PAH: variants seen among roughly 807,000 people sequenced by gnomAD.
The protein encoded by PAH is phenylalanine-4-hydroxylase.
A neutral mutation model predicts 62.0 loss-of-function variants in PAH; 64 were observed. The ratio of observed to expected loss-of-function variants is 1.03; its 90% CI spans 0.84 to 1.27. The LOEUF (loss-of-function observed/expected upper bound fraction) is 1.27, where lower values mean the gene tolerates loss of function less well. Ranked by LOEUF, PAH falls within the 50% of genes most tolerant of loss-of-function variation. The pLI is 0.00. For synonymous variants in PAH, 195 were observed against 196.2 expected (o/e 0.99, Z 0.05); for missense variants, 579 against 542.8 (o/e 1.07, Z -0.66).
intron 5 of PAH, among the ~76,000 whole-genome samples, chr12:102,865,127 G>A (rs562805906): frequency 6.6e-6 from 1 of 152,246 alleles, no homozygotes; most frequent in South Asian, 2.1e-4. Flanking sequence ...ATTGTGAGGT[G>A]ATTCACCAAT....
chr12:102,846,198 T>C lies in PAH; in HGVS notation c.969+697A>G, dbSNP rs113587947. Reference sequence around the variant, plus strand: ...AGCAGCTGTCAGTGAGAAGATAACCTTCTGGGAGTTTTTAGCCTTTTGATG... The same window carrying C: ...AGCAGCTGTCAGTGAGAAGATAACCCTCTGGGAGTTTTTAGCCTTTTGATG... On this transcript the variant is annotated intron_variant, in intron 9 of 12. Coordinates refer to ENST00000553106, the MANE Select transcript of PAH (RefSeq NM_000277.3). Among the ~76,000 whole-genome samples the C allele has an allele frequency of 4.5e-4, 68 of 152,310 alleles. 1 individual carries two copies. Among genetic ancestry groups the C allele is most frequent in the African/African-American group, 1.5e-3 (63 of 41,578 alleles).
intron 5 of PAH, among the ~76,000 whole-genome samples, chr12:102,859,813 G>A (rs1488970384): frequency 6.6e-6 from 1 of 152,238 alleles, no homozygotes; most frequent in Non-Finnish European, 1.5e-5. Flanking sequence ...AGGTATTGAT[G>A]GGATGTATCT....
chr12:102,886,978 G>C (rs1522305), intron 3 of PAH, among the ~76,000 whole-genome samples: 25,701 of 152,136 alleles, frequency 0.17, 2,525 homozygotes, highest in Admixed American at 0.33. Flanking sequence ...AGAAGGAGTA[G>C]TAAGAGAAGG....
At chr12:102,840,246 T>C (rs1346507013) in intron 12 of PAH, among the ~76,000 whole-genome samples, 154 bp downstream of exon 12, 1 of 152,216 alleles carries the variant, frequency 6.6e-6, no homozygotes, top group Non-Finnish European at 1.5e-5. Context: ...TGTCAAGTTC[T>C]TCTCCATCAA....
At chr12:102,890,774 C>T (rs1163991931) in intron 3 of PAH, among the ~76,000 whole-genome samples, 1 of 152,182 alleles carries the variant, frequency 6.6e-6, no homozygotes, top group Non-Finnish European at 1.5e-5. Flanking sequence ...TTACATGATG[C>T]CTCTATGTGA....
intron 3 of PAH, among the ~76,000 whole-genome samples, chr12:102,878,968 A>C (rs1468885758): frequency 6.6e-6 from 1 of 152,106 alleles, no homozygotes; most frequent in Non-Finnish European, 1.5e-5. Flanking sequence ...GCCAAAATAG[A>C]CGTGGTGGGA....
chr12:102,932,437 G>C (rs905593154), intron 1 of PAH, among the ~76,000 whole-genome samples: 1 of 152,178 alleles, frequency 6.6e-6, no homozygotes, highest in Non-Finnish European at 1.5e-5. Flanking sequence ...AGTTGCTTGA[G>C]GCTAGGAAGA....
chr12:102,900,703 C>T (rs2136710186), intron 2 of PAH, among the ~76,000 whole-genome samples: 1 of 152,210 alleles, frequency 6.6e-6, no homozygotes, highest in South Asian at 2.1e-4. Context: ...CCTTAGAAAC[C>T]AATAATTTTG....
intron 1 of PAH, among the ~76,000 whole-genome samples, chr12:102,940,880 G>A (rs577930408): frequency 5.8e-4 from 89 of 152,206 alleles, no homozygotes; most frequent in African/African-American, 2.1e-3. Flanking sequence ...TCAGAATCTC[G>A]AAGGTCAGTG....
intron 2 of PAH, among the ~76,000 whole-genome samples, chr12:102,901,044 C>G (rs556716888): frequency 3.9e-5 from 6 of 152,176 alleles, no homozygotes; most frequent in Non-Finnish European, 8.8e-5. Context: ...ACCAATTTTT[C>G]TAAGGATTCA....
upstream of PAH, chr12:102,958,387 AGAGCGC>A (rs747311758): frequency 1.3e-5 from 20 of 1,487,848 alleles, no homozygotes; most frequent in East Asian, 4.3e-4. Context: ...GCGGCAGCGC[AGAGCGC>A]GCAGCAGCAG....
At chr12:102,847,372 T>C (rs1874896914) in intron 8 of PAH, 1 of 255,330 alleles carries the variant, frequency 3.9e-6, no homozygotes, top group South Asian at 5.6e-5. Flanking sequence ...GTGACATCGG[T>C]CCAGGCATAT....
In PAH at chr12:102,957,397, T is replaced by G. The variant is rs1252380107; in HGVS notation, c.-96+798A>C. Among the ~76,000 whole-genome samples the G allele has an allele frequency of 6.6e-6, 1 of 151,970 alleles. No homozygotes were observed. The highest frequency in any genetic ancestry group is 1.5e-5 in the Non-Finnish European group (1 of 67,966). On this transcript the variant is annotated intron_variant, in intron 1 of 4. Coordinates refer to the PAH transcript ENST00000551337. This position sits in a 1 kb window ranked among gnomAD's most constrained non-coding sequence, Gnocchi z 4.1. ...CGCCCCGAGCGCGCCGCCTGTTTATTCAGCCGGGAGTCCGGCACGCGCCAG... is the reference window on the plus strand; with the variant it reads ...CGCCCCGAGCGCGCCGCCTGTTTATGCAGCCGGGAGTCCGGCACGCGCCAG...
chr12:102,931,660 T>C (rs1368068101), intron 1 of PAH, among the ~76,000 whole-genome samples: 1 of 152,216 alleles, frequency 6.6e-6, no homozygotes, highest in South Asian at 2.1e-4. Context: ...CTACCTTCCC[T>C]GGGGAGAGTC....
At chr12:102,909,114 CA>C (rs1345203209) in intron 2 of PAH, among the ~76,000 whole-genome samples, 1 of 152,128 alleles carries the variant, frequency 6.6e-6, no homozygotes, top group Non-Finnish European at 1.5e-5. Flanking sequence ...AGACGTGAGC[CA>C]CCGTGCCTGG....
chr12:102,908,516 C>A (rs35855475), intron 2 of PAH, among the ~76,000 whole-genome samples: 4 of 152,160 alleles, frequency 2.6e-5, no homozygotes, highest in African/African-American at 9.6e-5. Flanking sequence ...ACCCATTGCT[C>A]GCTTGCTCTC....
At chr12:102,840,553 T>C in intron 11 of PAH, 38 bp from the exon 12 acceptor site, 1 of 1,379,918 alleles carries the variant, frequency 7.2e-7, no homozygotes. Flanking sequence ...AAGGGCACCA[T>C]TTGGAGAAAG....
chr12:102,894,405 A>G (rs1877406884), intron 3 of PAH, among the ~76,000 whole-genome samples: 1 of 145,106 alleles, frequency 6.9e-6, no homozygotes, highest in Non-Finnish European at 1.5e-5. Context: ...AATAAAAATA[A>G]ATAAAAATTA....
upstream of PAH, among the ~76,000 whole-genome samples, chr12:102,952,721 G>A (rs924456269): frequency 1.3e-5 from 2 of 152,120 alleles, no homozygotes; most frequent in Admixed American, 6.5e-5. Context: ...TATCCCAAAA[G>A]CCACAATAAA....
Sources: gnomAD v4.1 joint callset for allele counts (sites outside exome capture counted in the v4.1 genomes callset) on GRCh38, gnomAD v4.1.1 for gene constraint, Gnocchi (gnomAD v3.1) non-coding constraint, MANE v1.5 for transcripts, NCBI Gene and HGNC (gene_info 2026-07-23, HGNC 2026-07-21) for gene names.